The following GPC5 variants were observed in gnomAD, a reference collection of about 807,000 sequenced individuals.
The protein encoded by GPC5 is glypican 5.
In GPC5, 47 loss-of-function variants were observed where a neutral mutation model predicts 53.9. That is an observed-to-expected ratio of 0.87 (90% confidence interval 0.69 to 1.11). The LOEUF is 1.11. Among genes scored for constraint, GPC5 ranks in the 50% most tolerant of loss-of-function variants. The pLI, the probability that GPC5 is intolerant of heterozygous loss-of-function variation, is 0.00. For synonymous variants in GPC5, 286 were observed against 263.3 expected, an observed-to-expected ratio of 1.09 and a Z score of -0.84; for missense variants, 748 against 713.1, an observed-to-expected ratio of 1.05 and a Z score of -0.56.
intron 7 of GPC5, chr13:92,701,626 C>T (rs1360171319): frequency 6.6e-6 from 1 of 152,102 alleles, no homozygotes; most frequent in Non-Finnish European, 1.5e-5. Context: ...TTAAGTATCA[C>T]AGATTTCAAT....
intron 6 of GPC5, among the ~76,000 whole-genome samples, chr13:92,140,365 T>A (rs1026643086): frequency 8.5e-5 from 13 of 152,162 alleles, no homozygotes; most frequent in Non-Finnish European, 1.0e-4. Flanking sequence ...AAATTTGAAC[T>A]TTTTTCTTGG....
At chr13:91,983,180 C>T (rs1356208245) in intron 6 of GPC5, among the ~76,000 whole-genome samples, 3 of 151,996 alleles carry the variant, frequency 2.0e-5, no homozygotes, top group Non-Finnish European at 4.4e-5. Context: ...CCCGTCTCTA[C>T]TAAAAATACA....
chr13:92,808,756 AT>A (rs1566427607), intron 7 of GPC5, among the ~76,000 whole-genome samples: 3 of 152,086 alleles, frequency 2.0e-5, no homozygotes, highest in African/African-American at 7.2e-5. Context: ...CATCTTTTAT[AT>A]ATTACAAAAT....
chr13:91,718,997 AT>A lies in GPC5; in HGVS notation c.1021-9532del, dbSNP rs2036406874. Among the ~76,000 whole-genome samples the A allele has an allele frequency of 3.9e-5, 6 of 152,224 alleles. No homozygotes were observed. In the South Asian group the frequency reaches 1.2e-3, roughly 32 times the overall value. ...GAAATTAGAGGGCAAAATGTATTTT[AT>A]TTCCAGTTTTTATTGCCATTATTGA... On this transcript the variant is annotated intron_variant, in intron 3 of 7. Transcript: ENST00000377067.
chr13:91,576,655 G>C (rs923697616), intron 2 of GPC5, among the ~76,000 whole-genome samples: 3 of 152,122 alleles, frequency 2.0e-5, no homozygotes, highest in African/African-American at 7.2e-5. Context: ...CTGATGCCAG[G>C]GAAAGAGATG....
At chr13:91,513,091 G>T (rs1338883348) in intron 2 of GPC5, among the ~76,000 whole-genome samples, 1 of 152,132 alleles carries the variant, frequency 6.6e-6, no homozygotes, top group African/African-American at 2.4e-5. Context: ...TGCCATGGTG[G>T]TTTGCTGCAC....
Position 92,829,823 on chromosome 13 carries a change from A to T in GPC5, c.1562-36459A>T, listed in dbSNP as rs562619765. ...TTCATGATTCTTTTAAATACAGAAA[A>T]TATTGAGGAAAAGAAAACTGCCAAA... On this transcript the variant is annotated intron_variant, in intron 7 of 7. Coordinates refer to ENST00000377067, the MANE Select transcript of GPC5 (RefSeq NM_004466.6). 3.3e-5 allele frequency among the ~76,000 whole-genome samples: 5 copies of T among 152,260 alleles called. No homozygotes were observed. The South Asian group carries it at 1.0e-3, about 32-fold the overall frequency.
intron 1 of GPC5, among the ~76,000 whole-genome samples, chr13:91,437,660 T>C (rs1314292381): frequency 6.6e-6 from 1 of 152,130 alleles, no homozygotes; most frequent in Non-Finnish European, 1.5e-5. Context: ...TCTCAAGGAG[T>C]ATCTTTGTGG....
chr13:91,990,073 ACCTCAGGGTT>A (rs2040443720), intron 6 of GPC5, among the ~76,000 whole-genome samples: 1 of 152,226 alleles, frequency 6.6e-6, no homozygotes. Flanking sequence ...TATGAAGATA[ACCTCAGGGTT>A]CCCATCTATG....
chr13:91,586,297 T>A (rs1375982488), intron 2 of GPC5, among the ~76,000 whole-genome samples: 3 of 149,272 alleles, frequency 2.0e-5, no homozygotes, highest in Non-Finnish European at 3.0e-5. Flanking sequence ...CCTGGCTATA[T>A]GTAGGAATAT....
intron 2 of GPC5, among the ~76,000 whole-genome samples, chr13:91,463,658 C>T (rs957326165): frequency 6.6e-6 from 1 of 152,086 alleles, no homozygotes; most frequent in African/African-American, 2.4e-5. Context: ...CTGATTTTGA[C>T]ATAGGTACAA....
intron 5 of GPC5, among the ~76,000 whole-genome samples, chr13:91,873,022 G>T (rs1484903120): frequency 1.3e-5 from 2 of 152,168 alleles, no homozygotes; most frequent in African/African-American, 4.8e-5. Flanking sequence ...TACACCAAAA[G>T]TGAATGCATA....
At chr13:91,521,416 A>T (rs1261386564) in intron 2 of GPC5, among the ~76,000 whole-genome samples, 2 of 152,210 alleles carry the variant, frequency 1.3e-5, no homozygotes, top group Non-Finnish European at 2.9e-5. Flanking sequence ...GTGCCTCTTT[A>T]TACAGGTATC....
At chr13:91,426,705 A>C (rs894406633) in intron 1 of GPC5, among the ~76,000 whole-genome samples, 1 of 152,176 alleles carries the variant, frequency 6.6e-6, no homozygotes, top group African/African-American at 2.4e-5. Context: ...TAGCCTGTCT[A>C]GTCCTTCCAT....
At chr13:91,457,154 G>C (rs917110646) in intron 2 of GPC5, among the ~76,000 whole-genome samples, 1 of 151,770 alleles carries the variant, frequency 6.6e-6, no homozygotes, top group Non-Finnish European at 1.5e-5. Context: ...TTTTGATAGG[G>C]CTTTTTTCAT....
chr13:91,629,380 C>T (rs564490943), intron 2 of GPC5, among the ~76,000 whole-genome samples: 4 of 152,104 alleles, frequency 2.6e-5, no homozygotes, highest in South Asian at 2.1e-4. Context: ...TGATGGCTCA[C>T]GCCTGTAATC....
chr13:92,282,843 A>G (rs949691743), intron 7 of GPC5, among the ~76,000 whole-genome samples: 32 of 152,222 alleles, frequency 2.1e-4, no homozygotes, highest in Admixed American at 4.6e-4. Context: ...ACTAGTGAGC[A>G]AAATAACCAG....
At chr13:92,816,310 T>C (rs1469048210) in intron 7 of GPC5, among the ~76,000 whole-genome samples, 4 of 152,076 alleles carry the variant, frequency 2.6e-5, no homozygotes, top group African/African-American at 9.7e-5. Context: ...GGTAACCAGA[T>C]CCATAGACTT....
At chr13:92,138,852 T>C (rs1483788609) in intron 6 of GPC5, among the ~76,000 whole-genome samples, 1 of 152,042 alleles carries the variant, frequency 6.6e-6, no homozygotes, top group Non-Finnish European at 1.5e-5. Flanking sequence ...TGAGAAAGAA[T>C]AGGGGAGGAC....
Sources: gnomAD v4.1 joint callset for allele counts (sites outside exome capture counted in the v4.1 genomes callset) on GRCh38, gnomAD v4.1.1 for gene constraint, MANE v1.5 for transcripts, NCBI Gene and HGNC (gene_info 2026-07-23, HGNC 2026-07-21) for gene names.